The following ATAD1 variants were observed in gnomAD, a reference collection of about 807,000 sequenced individuals.
The protein encoded by ATAD1 is outer mitochondrial transmembrane helix translocase.
A neutral mutation model predicts 42.7 loss-of-function variants in ATAD1; 18 were observed. That is an observed-to-expected ratio of 0.42 (90% CI 0.29 to 0.63). The LOEUF is 0.63. Ranked by LOEUF, ATAD1 falls within the 20% of genes least tolerant of loss-of-function variation. The probability of loss-of-function intolerance (pLI) is 0.19; values close to 1 mark genes in which losing one functional copy is unlikely to be tolerated. For missense variants in ATAD1, 294 were observed against 440.4 expected (o/e 0.67, Z 2.98); for synonymous variants, 132 against 143.1 (o/e 0.92, Z 0.55).
intron 5 of ATAD1, 61 bp downstream of exon 5, chr10:87,784,409 G>C: frequency 6.7e-7 from 1 of 1,491,440 alleles, no homozygotes; most frequent in Non-Finnish European, 9.3e-7. Flanking sequence ...AACTAAATCT[G>C]GTTATCTAAA....
chr10:87,839,237 G>T (rs1857985868), intron 1 of ATAD1, among the ~76,000 whole-genome samples: 1 of 152,158 alleles, frequency 6.6e-6, no homozygotes, highest in African/African-American at 2.4e-5. Flanking sequence ...TTGGTCTTCA[G>T]TCACCTTGAC....
intron 2 of ATAD1, among the ~76,000 whole-genome samples, chr10:87,796,972 T>TA (rs1856421852): frequency 6.6e-6 from 1 of 152,216 alleles, no homozygotes; most frequent in African/African-American, 2.4e-5. Context: ...GGACAGAAGG[T>TA]AACTCCTTTA....
At chr10:87,817,474 G>T (rs1031636576) in intron 1 of ATAD1, among the ~76,000 whole-genome samples, 1 of 152,122 alleles carries the variant, frequency 6.6e-6, no homozygotes, top group Admixed American at 6.5e-5. Context: ...CTCCATTTCC[G>T]AGTGGAAAAC....
intron 5 of ATAD1, 127 bp from the exon 6 acceptor site, chr10:87,776,554 G>T: frequency 1.6e-6 from 1 of 639,396 alleles, no homozygotes; most frequent in Non-Finnish European, 2.7e-6. Context: ...TTGCAACCTC[G>T]AACTCCCAGG....
chr10:87,788,036 C>T (rs1216870245), intron 4 of ATAD1, among the ~76,000 whole-genome samples: 9 of 152,074 alleles, frequency 5.9e-5, no homozygotes, highest in African/African-American at 1.7e-4. Flanking sequence ...AATTTTTAGA[C>T]GTTTGAGGGA....
rs114715622 is a variant in ATAD1, at chr10:87,824,120, G to A, written c.-13-9508C>T. Among the ~76,000 whole-genome samples the A allele has an allele frequency of 3.1e-3, 465 of 152,118 alleles. 3 individuals are homozygous for A. Among genetic ancestry groups the A allele is most frequent in the African/African-American group, 0.011 (443 of 41,470 alleles). On this transcript the variant is annotated intron_variant, in intron 1 of 4. Transcript: ENST00000495903. ...ATATATTATCATCTTGAAAAAAGAGGATGCCTAGAACATAGGAGAGGCTTA... is the reference window on the plus strand; with the variant it reads ...ATATATTATCATCTTGAAAAAAGAGAATGCCTAGAACATAGGAGAGGCTTA...
At position 87,754,584 on chromosome 10, in the gene ATAD1, A is replaced by C; in HGVS notation, c.*103T>G. 7.6e-7 allele frequency: 1 copy of C among 1,314,246 alleles called. No individual in the cohort carries two copies. Among genetic ancestry groups the C allele is most frequent in the South Asian group, 1.7e-5 (1 of 58,294 alleles). The allele number at this position is 1,314,246 out of a possible 1,614,324, so 81.4% of individuals were successfully genotyped here. A position where few individuals can be genotyped will look rare whatever the true frequency, so the allele number is the denominator to read the frequency against. ...TCAGAGTATAAAACCATAAACACTG[A>C]GCTCCCTCATTGTTTAAAGAGCACT... On this transcript the variant is annotated 3_prime_UTR_variant, in exon 10 of 10. Coordinates refer to ENST00000680024, the MANE Select transcript of ATAD1 (RefSeq NM_001321967.2).
chr10:87,786,328 C>T (rs1233037441), intron 4 of ATAD1, among the ~76,000 whole-genome samples: 5 of 152,206 alleles, frequency 3.3e-5, no homozygotes, highest in Non-Finnish European at 7.3e-5. Flanking sequence ...GACTTTGTAG[C>T]TACTCTACCA....
chr10:87,771,101 T>C, intron 6 of ATAD1, 60 bp from the exon 7 acceptor site: 4 of 1,306,314 alleles, frequency 3.1e-6, no homozygotes, highest in Non-Finnish European at 4.3e-6. Context: ...TCTGAGAATG[T>C]TATTACTAGG....
chr10:87,828,712 C>T lies in ATAD1; in HGVS notation c.-14+12475G>A, dbSNP rs531363731. On this transcript the variant is annotated intron_variant, in intron 1 of 4. Coordinates refer to the ATAD1 transcript ENST00000495903. ...ACTTTTATAGCTAGTGAAGACAAGTCGATGCCTGGCTTTAAAGCTTCAAAA... is the reference window on the plus strand; with the variant it reads ...ACTTTTATAGCTAGTGAAGACAAGTTGATGCCTGGCTTTAAAGCTTCAAAA... Among the ~76,000 whole-genome samples the T allele has an allele frequency of 4.6e-5, 7 of 152,288 alleles. No homozygotes were observed. In the South Asian group the frequency reaches 1.4e-3, roughly 32 times the overall value.
Position 87,762,918 on chromosome 10 carries a change from A to AAT in ATAD1, c.831+4753_831+4754dup, listed in dbSNP as rs1554873723. On this transcript the variant is annotated intron_variant, in intron 8 of 9. Coordinates refer to ENST00000680024, the MANE Select transcript of ATAD1 (RefSeq NM_001321967.2). ...ACCCCGTCTCTACTAAAAAAAAAAA[A>AAT]ATATATATATATATAAGCCGGGTGT... Among the ~76,000 whole-genome samples the AAT allele has an allele frequency of 4.2e-4, 57 of 134,694 alleles. 1 individual carries two copies. The highest frequency in any genetic ancestry group is 2.6e-3 in the South Asian group (10 of 3,816). 88.4% of individuals were successfully genotyped at this position (134,694 alleles called of 152,430 possible).
In ATAD1 at chr10:87,752,484, A is replaced by G. The variant is rs1230402308; in HGVS notation, c.*2203T>C. 6.6e-6 allele frequency: 1 copy of G among 152,122 alleles called. No individual in the cohort carries two copies. Among genetic ancestry groups the G allele is most frequent in the East Asian group, 1.9e-4 (1 of 5,202 alleles). 9.4% of individuals were successfully genotyped at this position (152,122 alleles called of 1,614,324 possible). A position where few individuals can be genotyped will look rare whatever the true frequency, so the allele number is the denominator to read the frequency against. On this transcript the variant is annotated 3_prime_UTR_variant, in exon 10 of 10. Coordinates refer to ENST00000680024, the MANE Select transcript of ATAD1 (RefSeq NM_001321967.2). The stretch of plus-strand genomic sequence containing the variant: ...CTTACATGCATTATTTTATTATCCA[A>G]CCCTTTAAGATGAGTGCCACTGTTG...
intron 1 of ATAD1, among the ~76,000 whole-genome samples, chr10:87,816,790 T>C (rs898714139): frequency 4.6e-5 from 7 of 152,212 alleles, no homozygotes; most frequent in African/African-American, 1.7e-4. Flanking sequence ...ACGTGGGGTA[T>C]ACTCACAGAG....
intron 1 of ATAD1, among the ~76,000 whole-genome samples, chr10:87,817,537 CA>C (rs753605411): frequency 4.6e-5 from 7 of 152,172 alleles, no homozygotes; most frequent in Admixed American, 3.3e-4. Flanking sequence ...GTATAGCATT[CA>C]TAGCATAGCA....
intron 1 of ATAD1, among the ~76,000 whole-genome samples, chr10:87,816,267 G>A (rs1411224952): frequency 6.6e-6 from 1 of 152,068 alleles, no homozygotes; most frequent in Non-Finnish European, 1.5e-5. Flanking sequence ...GTAACTGAAG[G>A]AAATCTCCCA....
intron 1 of ATAD1, among the ~76,000 whole-genome samples, chr10:87,835,285 T>A (rs1322681493): frequency 6.6e-6 from 1 of 152,130 alleles, no homozygotes; most frequent in East Asian, 1.9e-4. Flanking sequence ...TTTTTGCTGA[T>A]TTTCTGTTTA....
chr10:87,780,805 G>A (rs1855527845), intron 5 of ATAD1, among the ~76,000 whole-genome samples: 1 of 152,140 alleles, frequency 6.6e-6, no homozygotes, highest in Non-Finnish European at 1.5e-5. Context: ...TCTACATACA[G>A]GCTGAAGCCA....
rs73352891 is a variant in ATAD1 at position 87,811,833 on chromosome 10, T to C, written c.162+2605A>G. Among the ~76,000 whole-genome samples, 366 of 152,304 alleles carry C rather than the reference T, an allele frequency of 2.4e-3. 3 individuals are homozygous for C. The highest frequency in any genetic ancestry group is 8.4e-3 in the African/African-American group (350 of 41,560). On this transcript the variant is annotated intron_variant, in intron 2 of 9. Coordinates refer to ENST00000680024, the MANE Select transcript of ATAD1 (RefSeq NM_001321967.2). ...CTTCAATTGCTATATGAACATTTCC[T>C]CCTGAATTCCTACCACCAACACAAA...
intron 5 of ATAD1, 143 bp from the exon 6 acceptor site, chr10:87,776,570 G>T: frequency 1.7e-6 from 1 of 596,472 alleles, no homozygotes; most frequent in Non-Finnish European, 3.0e-6. Flanking sequence ...CCAGGCTTAA[G>T]TGATCCTCCT....
Sources: allele counts gnomAD v4.1 joint callset (sites outside exome capture counted in the v4.1 genomes callset), GRCh38; gene constraint gnomAD v4.1.1; transcripts MANE v1.5; gene names NCBI Gene and HGNC (gene_info 2026-07-23, HGNC 2026-07-21).